Variants in ERC2 observed in about 807,000 individuals in gnomAD.
The protein encoded by ERC2 is ELKS/RAB6-interacting/CAST family member 2.
ERC2 carries 42 observed loss-of-function variants against 114.8 expected under a neutral mutation model. That is an observed-to-expected ratio of 0.37 (90% CI 0.29 to 0.47). The LOEUF (loss-of-function observed/expected upper bound fraction) is 0.47. Among genes scored for constraint, ERC2 ranks in the 20% least tolerant of loss-of-function variants. ERC2 has a pLI of 0.99. For missense variants in ERC2, 939 were observed against 1,150.7 expected, an observed-to-expected ratio of 0.82 and a Z score of 2.66; for synonymous variants, 454 against 425.5, an observed-to-expected ratio of 1.07 and a Z score of -0.82.
chr3:56,451,601 T>A (rs1466412560), intron 1 of ERC2, among the ~76,000 whole-genome samples: 1 of 152,146 alleles, frequency 6.6e-6, no homozygotes, highest in Non-Finnish European at 1.5e-5. Flanking sequence ...CCCTTAACAA[T>A]GGAAATTAGA....
At chr3:56,211,975 C>T (rs893544475) in intron 3 of ERC2, among the ~76,000 whole-genome samples, 1 of 152,032 alleles carries the variant, frequency 6.6e-6, no homozygotes, top group Non-Finnish European at 1.5e-5. Flanking sequence ...AGACTCAAAT[C>T]TGAAACCATA....
intron 14 of ERC2, among the ~76,000 whole-genome samples, chr3:55,775,917 C>T (rs2068573809): frequency 6.6e-6 from 1 of 152,176 alleles, no homozygotes; most frequent in South Asian, 2.1e-4. Context: ...ATGTCAGCAA[C>T]ATTTGCATAA....
At chr3:55,512,903 C>T (rs1284394723) in intron 17 of ERC2, among the ~76,000 whole-genome samples, 3 of 152,224 alleles carry the variant, frequency 2.0e-5, no homozygotes, top group Non-Finnish European at 4.4e-5. Flanking sequence ...AACAAGGAAA[C>T]CTCAAGTGAC....
intron 17 of ERC2, among the ~76,000 whole-genome samples, chr3:55,571,764 G>A (rs1035699009): frequency 2.8e-4 from 43 of 152,182 alleles, no homozygotes; most frequent in African/African-American, 9.9e-4. Flanking sequence ...CATCTTTTCA[G>A]TGGCCTCACC....
intron 3 of ERC2, among the ~76,000 whole-genome samples, chr3:56,219,139 A>G (rs1389386751): frequency 6.6e-6 from 1 of 152,096 alleles, no homozygotes; most frequent in East Asian, 1.9e-4. Flanking sequence ...AGTATAATAA[A>G]TAAAATAAAA....
At chr3:56,301,945 A>G (rs2055904991) in intron 2 of ERC2, among the ~76,000 whole-genome samples, 1 of 152,192 alleles carries the variant, frequency 6.6e-6, no homozygotes, top group South Asian at 2.1e-4. Context: ...AGCTCTAGAA[A>G]GTACCACATG....
intron 3 of ERC2, among the ~76,000 whole-genome samples, chr3:56,259,357 A>G (rs2052752650): frequency 6.6e-6 from 1 of 152,206 alleles, no homozygotes; most frequent in Admixed American, 6.5e-5. Flanking sequence ...TGGAAGATGT[A>G]CGTTCACTGC....
chr3:56,313,356 T>C (rs2056710125), intron 2 of ERC2, among the ~76,000 whole-genome samples: 2 of 152,172 alleles, frequency 1.3e-5, no homozygotes, highest in South Asian at 4.2e-4. Flanking sequence ...GATACATGAA[T>C]TATATCTCAA....
At chr3:55,535,551 G>T (rs62251469) in intron 17 of ERC2, among the ~76,000 whole-genome samples, 2 of 152,138 alleles carry the variant, frequency 1.3e-5, no homozygotes, top group Non-Finnish European at 2.9e-5. Flanking sequence ...GTGAGCCACC[G>T]GCAGCAGATA....
chr3:55,694,221 T>C (rs182709052), intron 16 of ERC2, among the ~76,000 whole-genome samples: 1 of 152,280 alleles, frequency 6.6e-6, no homozygotes, highest in East Asian at 1.9e-4. Context: ...CTGGGGCCTG[T>C]TGACTTTCAG....
chr3:56,366,060 C>G (rs899790648), intron 2 of ERC2, among the ~76,000 whole-genome samples: 1 of 152,194 alleles, frequency 6.6e-6, no homozygotes, highest in African/African-American at 2.4e-5. Context: ...CCAGAATGAT[C>G]AGGGTTTAGT....
intron 3 of ERC2, among the ~76,000 whole-genome samples, chr3:56,226,881 CTGTATTGTAGATGCCCA>C (rs1442210718): frequency 6.6e-6 from 1 of 152,156 alleles, no homozygotes; most frequent in Non-Finnish European, 1.5e-5. Context: ...TTTTAATTTG[CTGTATTGTAGATGCCCA>C]TGATTACTCC....
At chr3:56,055,478 A>G (rs1157299161) in intron 7 of ERC2, among the ~76,000 whole-genome samples, 1 of 152,230 alleles carries the variant, frequency 6.6e-6, no homozygotes, top group East Asian at 1.9e-4. Flanking sequence ...ATTTTATTGT[A>G]ATCCATGGCC....
chr3:56,106,109 T>A (rs1054181364), intron 6 of ERC2, among the ~76,000 whole-genome samples: 1 of 152,206 alleles, frequency 6.6e-6, no homozygotes, highest in African/African-American at 2.4e-5. Flanking sequence ...TGTATACTAA[T>A]GTTCACTATA....
At chr3:55,807,863 G>T (rs912991356) in intron 14 of ERC2, among the ~76,000 whole-genome samples, 5 of 152,006 alleles carry the variant, frequency 3.3e-5, no homozygotes, top group Non-Finnish European at 7.4e-5. Flanking sequence ...GACTGTCCTT[G>T]GAACCCAATA....
chr3:56,170,863 C>T (rs1236977022), intron 4 of ERC2, among the ~76,000 whole-genome samples: 1 of 150,352 alleles, frequency 6.7e-6, no homozygotes, highest in Non-Finnish European at 1.5e-5. Context: ...CTCCTGGGTT[C>T]ACCCCATTGT....
intron 7 of ERC2, among the ~76,000 whole-genome samples, chr3:56,045,795 A>T (rs2075425375): frequency 6.6e-6 from 1 of 152,168 alleles, no homozygotes; most frequent in Non-Finnish European, 1.5e-5. Flanking sequence ...TAAGAATATA[A>T]TTCAGCAACT....
chr3:55,994,647 T>TAAAAAAAAAAAAAAAAAAAAAAAA (rs10662566), intron 10 of ERC2, among the ~76,000 whole-genome samples: 1 of 61,396 alleles, frequency 1.6e-5, no homozygotes, highest in Non-Finnish European at 2.7e-5. Context: ...ACATACTCCC[T>TAAAAAAAAAAAAAAAAAAAAAAAA]AAAAAAAAAA....
chr3:55,554,137 G>A (rs978334684), intron 17 of ERC2, among the ~76,000 whole-genome samples: 7 of 152,132 alleles, frequency 4.6e-5, no homozygotes, highest in African/African-American at 1.7e-4. Flanking sequence ...CATATACTGA[G>A]GTAGAATGCG....
Sources: gnomAD v4.1 joint callset for allele counts (sites outside exome capture counted in the v4.1 genomes callset) on GRCh38, gnomAD v4.1.1 for gene constraint, MANE v1.5 for transcripts, NCBI Gene and HGNC (gene_info 2026-07-23, HGNC 2026-07-21) for gene names.